Variants in MSRA observed in about 807,000 individuals in gnomAD.
MSRA encodes the protein methionine sulfoxide reductase A.
MSRA carries 54 observed loss-of-function variants against 31.3 expected under a neutral mutation model. The ratio of observed to expected loss-of-function variants is 1.73; its 90% CI spans 1.39 to 2.17. The LOEUF (loss-of-function observed/expected upper bound fraction) is 2.17, where lower values mean the gene tolerates loss of function less well. Ranked by LOEUF, MSRA falls within the 30% of genes most tolerant of loss-of-function variation. The pLI is 0.00. For missense variants in MSRA, 507 were observed against 300.9 expected (o/e 1.69, Z -5.07); for synonymous variants, 169 against 116.5 (o/e 1.45, Z -2.90).
intron 3 of MSRA, among the ~76,000 whole-genome samples, chr8:10,257,770 C>T (rs1032503861): frequency 1.1e-4 from 17 of 152,172 alleles, no homozygotes; most frequent in African/African-American, 4.1e-4. Flanking sequence ...AGCAGAGTCT[C>T]ATTTAGAAGG....
chr8:10,132,637 A>C (rs1325057399), intron 1 of MSRA, among the ~76,000 whole-genome samples: 1 of 152,188 alleles, frequency 6.6e-6, no homozygotes, highest in Non-Finnish European at 1.5e-5. Context: ...CTGTCCTATA[A>C]GGGCACTAAT....
intron 4 of MSRA, among the ~76,000 whole-genome samples, chr8:10,311,034 G>T (rs957295786): frequency 6.6e-6 from 1 of 152,138 alleles, no homozygotes; most frequent in Non-Finnish European, 1.5e-5. Context: ...TGCTGAAATG[G>T]TATGAAATCA....
intron 5 of MSRA, among the ~76,000 whole-genome samples, chr8:10,360,138 GGAGTGAGCCAAGCTGCTT>G (rs753906741): frequency 1.7e-4 from 26 of 152,258 alleles, no homozygotes; most frequent in Non-Finnish European, 3.2e-4. Context: ...TGCTGCTGCT[GGAGTGAGCCAAGCTGCTT>G]GAGTGAGCCA....
chr8:10,084,647 TG>T (rs1798462384), intron 1 of MSRA, among the ~76,000 whole-genome samples: 1 of 152,140 alleles, frequency 6.6e-6, no homozygotes, highest in Non-Finnish European at 1.5e-5. Flanking sequence ...GGGTGAAAAA[TG>T]GGGTTGATGA....
chr8:10,365,832 T>C (rs1015576833), intron 5 of MSRA, among the ~76,000 whole-genome samples: 19 of 152,210 alleles, frequency 1.2e-4, no homozygotes, highest in South Asian at 4.1e-4. Context: ...CAAGGTCACA[T>C]GCTGGGTAAG....
chr8:10,418,177 C>T (rs1808596537), intron 5 of MSRA, among the ~76,000 whole-genome samples: 1 of 152,136 alleles, frequency 6.6e-6, no homozygotes, highest in Non-Finnish European at 1.5e-5. Flanking sequence ...ACATGAAAAC[C>T]TAACACTTAA....
chr8:10,084,692 G>A (rs1798465762), intron 1 of MSRA, among the ~76,000 whole-genome samples: 1 of 152,212 alleles, frequency 6.6e-6, no homozygotes, highest in African/African-American at 2.4e-5. Context: ...ATTTTATGAA[G>A]ATTAAATGAC....
chr8:10,080,797 C>T (rs1798254418), intron 1 of MSRA, among the ~76,000 whole-genome samples: 1 of 151,994 alleles, frequency 6.6e-6, no homozygotes, highest in African/African-American at 2.4e-5. Context: ...CCTCGGCCTC[C>T]CAAAGTGCTG....
chr8:10,224,162 C>T (rs1585209313), intron 2 of MSRA, among the ~76,000 whole-genome samples: 2 of 152,194 alleles, frequency 1.3e-5, no homozygotes, highest in African/African-American at 4.8e-5. Context: ...ATAGTAGCTT[C>T]TTCTCCCACC....
chr8:10,058,626 C>T lies in MSRA; in HGVS notation c.142+3968C>T, dbSNP rs186022165. Among the ~76,000 whole-genome samples, 323 of 152,290 alleles carry T rather than the reference C, an allele frequency of 2.1e-3. 3 individuals carry two copies. Among genetic ancestry groups the T allele is most frequent in the African/African-American group, 6.7e-3 (277 of 41,556 alleles). On this transcript the variant is annotated intron_variant, in intron 1 of 5. Coordinates refer to ENST00000317173, the MANE Select transcript of MSRA (RefSeq NM_012331.5). ...CCAGAGCAGGAATAAATGGCTATTT[C>T]CTTGACATAGCATATCTATTTGAAC...
intron 2 of MSRA, among the ~76,000 whole-genome samples, chr8:10,221,768 G>A (rs12546137): frequency 0.18 from 27,962 of 151,986 alleles, 3,282 homozygotes; most frequent in Admixed American, 0.33. Context: ...AGGTTGAGGG[G>A]TTGTAATTTA....
chr8:10,342,162 A>G (rs1803468386), intron 5 of MSRA, among the ~76,000 whole-genome samples: 2 of 152,158 alleles, frequency 1.3e-5, no homozygotes, highest in Non-Finnish European at 2.9e-5. Context: ...CAGTGTGTTG[A>G]GATTTTTCCG....
At chr8:10,250,530 C>A in intron 3 of MSRA, 1 of 696,940 alleles carries the variant, frequency 1.4e-6, no homozygotes, top group Non-Finnish European at 2.6e-6. Flanking sequence ...ACAACTTTTC[C>A]TCGTAAGATT....
At chr8:10,252,999 A>G (rs895865032) in intron 3 of MSRA, among the ~76,000 whole-genome samples, 1 of 152,158 alleles carries the variant, frequency 6.6e-6, no homozygotes, top group Non-Finnish European at 1.5e-5. Flanking sequence ...AACCAAAGAG[A>G]CGTGCACATT....
intron 2 of MSRA, among the ~76,000 whole-genome samples, chr8:10,210,226 C>T (rs1293827037): frequency 6.6e-6 from 1 of 152,152 alleles, no homozygotes; most frequent in Admixed American, 6.5e-5. Flanking sequence ...TACTCCTCTT[C>T]CTAGCGAGGC....
chr8:10,316,981 C>A (rs889344974), intron 4 of MSRA, among the ~76,000 whole-genome samples: 1 of 152,166 alleles, frequency 6.6e-6, no homozygotes, highest in African/African-American at 2.4e-5. Flanking sequence ...TGTGCCACTG[C>A]AGCATGCAGG....
intron 1 of MSRA, chr8:10,096,337 T>G (rs1372014277): frequency 9.5e-7 from 1 of 1,052,682 alleles, no homozygotes; most frequent in African/African-American, 1.7e-5. Context: ...GGTCATTATT[T>G]TTTTGTGTGT....
intron 2 of MSRA, among the ~76,000 whole-genome samples, chr8:10,215,038 T>G (rs1262183190): frequency 6.6e-6 from 1 of 152,060 alleles, no homozygotes; most frequent in Non-Finnish European, 1.5e-5. Flanking sequence ...GGAGGGTGGG[T>G]TCATATGTTT....
chr8:10,095,718 T>C (rs1453165333), intron 1 of MSRA: 26 of 1,069,306 alleles, frequency 2.4e-5, no homozygotes, highest in Non-Finnish European at 2.8e-5. Context: ...TCAGAACTTT[T>C]TGGTTTTCAA....
Sources: allele counts gnomAD v4.1 joint callset (sites outside exome capture counted in the v4.1 genomes callset), GRCh38; gene constraint gnomAD v4.1.1; transcripts MANE v1.5; gene names NCBI Gene and HGNC (gene_info 2026-07-23, HGNC 2026-07-21).